The following SENP7 variants were observed in gnomAD, a reference collection of about 807,000 sequenced individuals.
The protein encoded by SENP7 is sentrin-specific protease 7.
SENP7 carries 64 observed loss-of-function variants against 141.2 expected under a neutral mutation model. That is an observed-to-expected ratio of 0.45 (90% CI 0.37 to 0.56). The LOEUF (loss-of-function observed/expected upper bound fraction) is 0.56. Ranked by LOEUF, SENP7 falls within the 20% of genes least tolerant of loss-of-function variation. SENP7 has a pLI of 0.00. For missense variants in SENP7, 1,025 were observed against 1,212.2 expected (o/e 0.85, Z 2.29); for synonymous variants, 382 against 426.4 (o/e 0.90, Z 1.28).
chr3:101,510,878 G>T lies in SENP7; in HGVS notation c.40+2213C>A, dbSNP rs1041606998. ...AAAAAAAAAAAGTCACTTCATTTGG[G>T]TTCCAGTTAGCAACAACTTACAATG... On this transcript the variant is annotated intron_variant, in intron 1 of 23. Coordinates refer to ENST00000394095, the MANE Select transcript of SENP7 (RefSeq NM_020654.5). Among the ~76,000 whole-genome samples the T allele has an allele frequency of 2.0e-5, 3 of 148,060 alleles. No homozygotes were observed. In the East Asian group the frequency reaches 6.0e-4, roughly 30 times the overall value.
At chr3:101,358,856 A>G (rs1010076808) in intron 11 of SENP7, 1 of 153,230 alleles carries the variant, frequency 6.5e-6, no homozygotes, top group African/African-American at 2.4e-5. Context: ...GCTAGTCTCA[A>G]ACTCCTGACC....
chr3:101,465,027 C>T (rs563282604), intron 3 of SENP7, among the ~76,000 whole-genome samples: 2 of 152,300 alleles, frequency 1.3e-5, no homozygotes, highest in South Asian at 4.1e-4. Flanking sequence ...CCACACATGT[C>T]ATCCGGAGAA....
intron 4 of SENP7, among the ~76,000 whole-genome samples, chr3:101,444,077 T>C (rs1158161917): frequency 5.9e-5 from 8 of 136,316 alleles, no homozygotes; most frequent in African/African-American, 2.1e-4. Flanking sequence ...AAAAAGTGGG[T>C]GAAGGACATG....
intron 3 of SENP7, among the ~76,000 whole-genome samples, chr3:101,475,285 C>T (rs1214740310): frequency 6.6e-6 from 1 of 151,998 alleles, no homozygotes. Flanking sequence ...TCACAATAAC[C>T]AAGACACGGA....
chr3:101,330,872 G>A (rs1382329572), intron 19 of SENP7, among the ~76,000 whole-genome samples: 3 of 152,128 alleles, frequency 2.0e-5, no homozygotes, highest in African/African-American at 7.2e-5. Context: ...TTTTCAATCA[G>A]CTTACTGCTT....
At chr3:101,348,331 G>T (rs997279119) in intron 12 of SENP7, among the ~76,000 whole-genome samples, 1 of 152,004 alleles carries the variant, frequency 6.6e-6, no homozygotes, top group African/African-American at 2.4e-5. Flanking sequence ...TATGATTTCA[G>T]TTATAACCAG....
At chr3:101,332,211 A>G in intron 18 of SENP7, 102 bp from the exon 19 acceptor site, 1 of 1,168,294 alleles carries the variant, frequency 8.6e-7, no homozygotes. Flanking sequence ...TTTCATATTA[A>G]TTTTGAAGAC....
rs138298776 is a variant in SENP7 at position 101,493,898 on chromosome 3, G to A, written c.161C>T (p.Ser54Leu). ...CTGCAAAGGGAGAGTCCAGCGTTCT[G>A]AGCTTCTGAATTTGGACAGTGGTGA... ...VQSPLSKFRSSERWTLPLQWE... is the reference protein window; with the variant it reads ...VQSPLSKFRSLERWTLPLQWE... The change falls in exon 3 of 24, where the codon TCA (serine) becomes TTA (leucine). Residue 54 changes from serine (S) to leucine (L), a missense_variant. By Grantham distance (145) the Ser-to-Leu change is moderately radical. This residue lies in a region of SENP7 where 496 missense variants were observed against 503.5 expected (regional missense o/e 0.99). Transcript: ENST00000394095. 2 of 1,607,238 alleles carry A rather than the reference G, an allele frequency of 1.2e-6. No individual in the cohort carries two copies. The highest frequency in any genetic ancestry group is 1.7e-6 in the Non-Finnish European group (2 of 1,174,938).
intron 3 of SENP7, among the ~76,000 whole-genome samples, chr3:101,459,676 C>T (rs1443328586): frequency 6.6e-6 from 1 of 152,182 alleles, no homozygotes; most frequent in East Asian, 1.9e-4. Flanking sequence ...TTTGGTTTTA[C>T]TTCCACATCA....
At chr3:101,511,405 A>G (rs962186304) in intron 1 of SENP7, among the ~76,000 whole-genome samples, 2 of 152,200 alleles carry the variant, frequency 1.3e-5, no homozygotes. Flanking sequence ...TGTGCATCTC[A>G]AAGGAAGATA....
chr3:101,340,327 T>C, intron 15 of SENP7, 116 bp from the exon 16 acceptor site: 2 of 1,259,044 alleles, frequency 1.6e-6, no homozygotes, highest in Non-Finnish European at 2.1e-6. Flanking sequence ...ATCTGTAGGG[T>C]AAAAAACATT....
chr3:101,496,545 T>A (rs559994435), intron 2 of SENP7, among the ~76,000 whole-genome samples: 1 of 151,392 alleles, frequency 6.6e-6, no homozygotes, highest in African/African-American at 2.4e-5. Flanking sequence ...TTTAGAGGCA[T>A]GAGCTCCCAC....
chr3:101,367,935 T>C lies in SENP7; in HGVS notation c.873A>G (p.Ser291=), dbSNP rs1247825845. 10 of 1,612,744 alleles carry C rather than the reference T, an allele frequency of 6.2e-6. No homozygotes were observed. Among genetic ancestry groups the C allele is most frequent in the African/African-American group, 1.3e-5 (1 of 74,884 alleles). The change falls in exon 8 of 24, where the codon TCA becomes TCG. Residue 291 remains serine (S), a synonymous_variant. Coordinates refer to ENST00000394095, the MANE Select transcript of SENP7 (RefSeq NM_020654.5). ...TGGAAATCAGAGTGAGTTCCACTTTTGAATCAGAATATTTAACATCCTTGT... is the reference window on the plus strand; with the variant it reads ...TGGAAATCAGAGTGAGTTCCACTTTCGAATCAGAATATTTAACATCCTTGT... ...SRNKDVKYSD[S]KVELTLISRK...
intron 6 of SENP7, among the ~76,000 whole-genome samples, chr3:101,394,192 A>C (rs1249489377): frequency 6.6e-6 from 1 of 152,140 alleles, no homozygotes; most frequent in Non-Finnish European, 1.5e-5. Flanking sequence ...CATGTGAGAG[A>C]GAACATCCAA....
chr3:101,414,872 T>C (rs1447582053), intron 5 of SENP7, among the ~76,000 whole-genome samples: 1 of 152,208 alleles, frequency 6.6e-6, no homozygotes, highest in Non-Finnish European at 1.5e-5. Context: ...TTAGATCTTA[T>C]ATTTCCTGTG....
intron 8 of SENP7, 86 bp downstream of exon 8, chr3:101,367,744 C>A: frequency 1.2e-6 from 1 of 821,868 alleles, no homozygotes; most frequent in Non-Finnish European, 1.9e-6. Context: ...AAGCTGAAAG[C>A]TAGAGGAACA....
intron 5 of SENP7, among the ~76,000 whole-genome samples, chr3:101,402,989 T>C (rs1297027933): frequency 1.3e-5 from 2 of 152,226 alleles, no homozygotes; most frequent in African/African-American, 4.8e-5. Flanking sequence ...TTTCCTCTGA[T>C]GGGTCTGGGA....
At chr3:101,488,273 T>C (rs2064813941) in intron 3 of SENP7, among the ~76,000 whole-genome samples, 1 of 152,168 alleles carries the variant, frequency 6.6e-6, no homozygotes, top group Non-Finnish European at 1.5e-5. Flanking sequence ...CATTATTTGG[T>C]GTCTAGAAAT....
intron 5 of SENP7, among the ~76,000 whole-genome samples, chr3:101,402,159 C>A (rs958155528): frequency 6.6e-6 from 1 of 152,070 alleles, no homozygotes; most frequent in African/African-American, 2.4e-5. Flanking sequence ...GATGAAAGAT[C>A]CTTCTATTGG....
Sources: gnomAD v4.1 joint callset for allele counts (sites outside exome capture counted in the v4.1 genomes callset) on GRCh38, gnomAD v4.1.1 for gene constraint, gnomAD v4.1.1 regional missense constraint, MANE v1.5 for transcripts, NCBI Gene and HGNC (gene_info 2026-07-23, HGNC 2026-07-21) for gene names.